Variants in CDK6 observed in about 807,000 individuals in gnomAD.
CDK6 encodes the protein cyclin-dependent kinase 6.
In CDK6, 6 loss-of-function variants were observed where a neutral mutation model predicts 37.1. The observed-to-expected ratio is 0.16, with a 90% confidence interval of 0.09 to 0.32. CDK6 has a LOEUF of 0.32. CDK6 is among the 10% of genes least tolerant of loss of function. CDK6 has a pLI of 1.00. For synonymous variants in CDK6, 160 were observed against 161.3 expected (o/e 0.99, Z 0.06); for missense variants, 224 against 418.9 (o/e 0.53, Z 4.06).
At chr7:92,714,501 G>T (rs1798176644) in intron 4 of CDK6, among the ~76,000 whole-genome samples, 1 of 152,048 alleles carries the variant, frequency 6.6e-6, no homozygotes, top group African/African-American at 2.4e-5. Context: ...GGAGTCACTG[G>T]GAATTTTTAC....
At chr7:92,802,279 A>C (rs1423677378) in intron 2 of CDK6, among the ~76,000 whole-genome samples, 2 of 152,202 alleles carry the variant, frequency 1.3e-5, no homozygotes, top group East Asian at 3.9e-4. Context: ...TATTATTCTT[A>C]CACCTTAAAA....
At chr7:92,618,285 C>CA (rs1795725011) in intron 6 of CDK6, 78 bp from the exon 7 acceptor site, 1 of 1,488,894 alleles carries the variant, frequency 6.7e-7, no homozygotes, top group Non-Finnish European at 9.2e-7. Context: ...CAGAGAAAGG[C>CA]AAAATCTAAG....
chr7:92,665,185 G>A (rs1409975428), intron 5 of CDK6, among the ~76,000 whole-genome samples: 4 of 152,038 alleles, frequency 2.6e-5, no homozygotes, highest in Non-Finnish European at 5.9e-5. Flanking sequence ...GGATTACAAG[G>A]CAACCAATAG....
At chr7:92,695,282 A>AAAAGAAAGAAAG (rs548127829) in intron 4 of CDK6, among the ~76,000 whole-genome samples, 5 of 149,912 alleles carry the variant, frequency 3.3e-5, no homozygotes, top group African/African-American at 1.2e-4. Context: ...AAAAAAAAAA[A>AAAAGAAAGAAAG]AAAGAAAGAA....
At position 92,733,939 on chromosome 7, in the gene CDK6, T is replaced by C. The variant is rs185205224; in HGVS notation, c.370-8146A>G. 2.3e-3 allele frequency among the ~76,000 whole-genome samples: 350 copies of C among 152,266 alleles called. 1 individual carries two copies. The highest frequency in any genetic ancestry group is 8.2e-3 in the African/African-American group (340 of 41,552). On this transcript the variant is annotated intron_variant, in intron 3 of 7. Coordinates refer to ENST00000424848, the MANE Select transcript of CDK6 (RefSeq NM_001145306.2). ...CCTCAAATTCCTGGCCTCAAGTTAT[T>C]TTCCCACCTCAGCCTGCCAAGTAGC...
chr7:92,718,715 G>T (rs1798294951), intron 4 of CDK6, among the ~76,000 whole-genome samples: 1 of 152,212 alleles, frequency 6.6e-6, no homozygotes, highest in Admixed American at 6.5e-5. Flanking sequence ...ACCTGGGTAA[G>T]GAGGGAGGGC....
intron 3 of CDK6, among the ~76,000 whole-genome samples, chr7:92,756,644 T>A (rs1799325726): frequency 6.6e-6 from 1 of 152,162 alleles, no homozygotes; most frequent in African/African-American, 2.4e-5. Flanking sequence ...CTGTTGGTAT[T>A]AATAGAAGGA....
chr7:92,710,218 T>G (rs937826724), intron 4 of CDK6, among the ~76,000 whole-genome samples: 3 of 152,176 alleles, frequency 2.0e-5, no homozygotes, highest in Non-Finnish European at 4.4e-5. Flanking sequence ...GGTCAATGGG[T>G]AGGTACGGGA....
chr7:92,779,260 T>C (rs1019709649), intron 2 of CDK6, among the ~76,000 whole-genome samples: 1 of 152,140 alleles, frequency 6.6e-6, no homozygotes. Flanking sequence ...CAGGCCTCAG[T>C]TTCAATGGAT....
intron 5 of CDK6, among the ~76,000 whole-genome samples, chr7:92,663,032 T>G (rs1277614002): frequency 6.6e-6 from 1 of 151,754 alleles, no homozygotes; most frequent in African/African-American, 2.4e-5. Flanking sequence ...TTGAAAGGAG[T>G]AACAGAAGTA....
intron 2 of CDK6, among the ~76,000 whole-genome samples, chr7:92,829,747 C>T (rs544773107): frequency 3.6e-4 from 55 of 152,288 alleles, no homozygotes; most frequent in African/African-American, 1.3e-3. Context: ...GTTGCCTACT[C>T]AATCAGGAAA....
Position 92,615,099 on chromosome 7 carries a change from G to T in CDK6, c.*41C>A, listed in dbSNP as rs2116476033. On this transcript the variant is annotated 3_prime_UTR_variant, in exon 8 of 8. Transcript: ENST00000424848. ...TGAGGGGGACCCATAAGCCACCAAG[G>T]GTGTTCTCCGCAGGATCAGCTTAAG... 1.2e-6 allele frequency: 2 copies of T among 1,609,802 alleles called. No homozygotes were observed. Among genetic ancestry groups the T allele is most frequent in the Non-Finnish European group, 1.7e-6 (2 of 1,177,986 alleles).
At chr7:92,718,702 T>C (rs575483134) in intron 4 of CDK6, among the ~76,000 whole-genome samples, 61 of 152,306 alleles carry the variant, frequency 4.0e-4, no homozygotes, top group African/African-American at 1.4e-3. Flanking sequence ...ATCCCACATT[T>C]TGACCTGGGT....
chr7:92,723,151 G>A (rs1172400767), intron 4 of CDK6, among the ~76,000 whole-genome samples: 1 of 152,106 alleles, frequency 6.6e-6, no homozygotes, highest in Non-Finnish European at 1.5e-5. Context: ...CCTCCAGCCT[G>A]GGCAACAGAG....
intron 4 of CDK6, chr7:92,725,050 T>C (rs1408309381): frequency 1.0e-6 from 1 of 985,310 alleles, no homozygotes; most frequent in Non-Finnish European, 1.2e-6. Context: ...TGTTATTTTT[T>C]GCCAAAACAG....
In CDK6 at chr7:92,767,340, C is replaced by T. The variant is rs993143249; in HGVS notation, c.369+7356G>A. On this transcript the variant is annotated intron_variant, in intron 3 of 7. Coordinates refer to ENST00000424848, the MANE Select transcript of CDK6 (RefSeq NM_001145306.2). ...GAAGTTGCTTGAGTTACTGAGTTTT[C>T]CCTTGGAATGAAAGATACTTGAAAG... 2.6e-5 allele frequency among the ~76,000 whole-genome samples: 4 copies of T among 152,198 alleles called. No homozygotes were observed. In the East Asian group the frequency reaches 7.7e-4, roughly 29 times the overall value.
Position 92,614,269 on chromosome 7 carries a change from TA to T in CDK6, c.*870del, listed in dbSNP as rs1380991618. 4 of 232,878 alleles carry T rather than the reference TA, an allele frequency of 1.7e-5. No homozygotes were observed. Among genetic ancestry groups the T allele is most frequent in the Non-Finnish European group, 3.4e-5 (4 of 117,926 alleles). 14.4% of individuals were successfully genotyped at this position (232,878 alleles called of 1,614,324 possible). ...AATAAAGGCTTTCTATTCTTTTTTT[TA>T]AAATCTATCTGAGGTACACTCCCTA... On this transcript the variant is annotated 3_prime_UTR_variant, in exon 8 of 8. Transcript: ENST00000424848.
At chr7:92,678,827 T>C (rs964524695) in intron 4 of CDK6, among the ~76,000 whole-genome samples, 3 of 152,162 alleles carry the variant, frequency 2.0e-5, no homozygotes, top group African/African-American at 7.2e-5. Flanking sequence ...CAATGGGAAG[T>C]CTCGGCAGGA....
chr7:92,746,897 T>C (rs1365586941), intron 3 of CDK6, among the ~76,000 whole-genome samples: 1 of 152,200 alleles, frequency 6.6e-6, no homozygotes, highest in Non-Finnish European at 1.5e-5. Flanking sequence ...CACAACTTAT[T>C]ATTTTAATAA....
Sources: allele counts gnomAD v4.1 joint callset (sites outside exome capture counted in the v4.1 genomes callset), GRCh38; gene constraint gnomAD v4.1.1; transcripts MANE v1.5; gene names NCBI Gene and HGNC (gene_info 2026-07-23, HGNC 2026-07-21).